Variants in PARD3B observed in about 807,000 individuals in gnomAD.
The protein encoded by PARD3B is par-3 family cell polarity regulator beta.
Under a neutral mutation model 130.2 loss-of-function variants are expected in PARD3B, and 103 were observed. The observed-to-expected ratio is 0.79, with a 90% CI of 0.67 to 0.93. The LOEUF is 0.93. PARD3B is among the 40% of genes least tolerant of loss of function. PARD3B has a pLI of 0.00. For synonymous variants in PARD3B, 583 were observed against 553.2 expected, an observed-to-expected ratio of 1.05 and a Z score of -0.76; for missense variants, 1,609 against 1,499.2, an observed-to-expected ratio of 1.07 and a Z score of -1.21.
chr2:205,446,703 C>G lies in PARD3B; in HGVS notation c.3044+6031C>G, dbSNP rs1164482169. Among the ~76,000 whole-genome samples the G allele has an allele frequency of 6.6e-6, 1 of 152,090 alleles. No individual in the cohort carries two copies. Among genetic ancestry groups the G allele is most frequent in the Non-Finnish European group, 1.5e-5 (1 of 68,014 alleles). On this transcript the variant is annotated intron_variant, in intron 20 of 22. Transcript: ENST00000406610. The surrounding 1 kb of genome is among the most constrained non-coding windows in gnomAD (Gnocchi z 4.4). ...GTGGTTAAAAAAAAATTTCTACCAC[C>G]AGGACAGAGACACGTGACTGGATTT...
At chr2:205,137,604 G>A (rs371762601) in intron 10 of PARD3B, among the ~76,000 whole-genome samples, 11 of 152,040 alleles carry the variant, frequency 7.2e-5, no homozygotes, top group African/African-American at 1.7e-4. Flanking sequence ...ATTATTTCTC[G>A]CAGTTCTGTG....
chr2:205,340,127 A>G (rs1203122397), intron 18 of PARD3B, among the ~76,000 whole-genome samples: 3 of 152,142 alleles, frequency 2.0e-5, no homozygotes, highest in Admixed American at 1.3e-4. Flanking sequence ...TCCTTGTCAC[A>G]AGGTAACAAT....
At chr2:204,900,421 T>C (rs768932462) in intron 2 of PARD3B, among the ~76,000 whole-genome samples, 5 of 152,214 alleles carry the variant, frequency 3.3e-5, no homozygotes, top group African/African-American at 4.8e-5. Flanking sequence ...GTCTTCAGTA[T>C]GTCAGTTGCA....
intron 18 of PARD3B, among the ~76,000 whole-genome samples, chr2:205,379,728 C>T (rs2045236578): frequency 6.6e-6 from 1 of 151,890 alleles, no homozygotes; most frequent in South Asian, 2.1e-4. Flanking sequence ...TACAAATTAG[C>T]AGGTATTACA....
At chr2:205,412,754 G>A (rs2046644139) in intron 19 of PARD3B, among the ~76,000 whole-genome samples, 1 of 152,098 alleles carries the variant, frequency 6.6e-6, no homozygotes, top group South Asian at 2.1e-4. Flanking sequence ...CTGCTGTCTG[G>A]AATGCTCTTC....
intron 21 of PARD3B, among the ~76,000 whole-genome samples, chr2:205,538,578 A>G (rs983326958): frequency 2.6e-5 from 4 of 152,180 alleles, no homozygotes; most frequent in African/African-American, 9.7e-5. Flanking sequence ...CTTTCATAAG[A>G]GAAAGTAAGA....
rs951035230 is a variant in PARD3B at position 205,193,134 on chromosome 2, G to A, written c.2025-71G>A. ...AGTGATGAGTGGCTGTGTTCAAAAT[G>A]AGAACTGCTTCCTCATTTTTTAAAA... On this transcript the variant is annotated intron_variant, in intron 14 of 22. Coordinates refer to ENST00000406610, the MANE Select transcript of PARD3B (RefSeq NM_001302769.2). The A allele has an allele frequency of 2.7e-6, 3 of 1,092,370 alleles. No individual in the cohort carries two copies. In the African/African-American group the frequency reaches 4.7e-5, roughly 17 times the overall value. The allele number at this position is 1,092,370 out of a possible 1,614,324, so 67.7% of individuals were successfully genotyped here.
At chr2:204,762,116 A>ATTTTTTTTT (rs968166780) in intron 2 of PARD3B, among the ~76,000 whole-genome samples, 16 of 95,388 alleles carry the variant, frequency 1.7e-4, no homozygotes, top group African/African-American at 4.1e-4. Flanking sequence ...TTCTTTTTCT[A>ATTTTTTTTT]TTTTTTTTTT....
intron 2 of PARD3B, among the ~76,000 whole-genome samples, chr2:204,735,281 C>A (rs1286045879): frequency 6.6e-6 from 1 of 152,096 alleles, no homozygotes; most frequent in East Asian, 1.9e-4. Context: ...CCATCCTTGT[C>A]ATCAAAATTC....
At chr2:205,370,559 C>T (rs758437606) in intron 18 of PARD3B, among the ~76,000 whole-genome samples, 26 of 152,140 alleles carry the variant, frequency 1.7e-4, no homozygotes, top group Non-Finnish European at 2.2e-4. Flanking sequence ...GAGTATCTCC[C>T]GGCTGCTCAT....
At chr2:205,311,234 G>C (rs1422907078) in intron 18 of PARD3B, among the ~76,000 whole-genome samples, 2 of 152,050 alleles carry the variant, frequency 1.3e-5, no homozygotes, top group Non-Finnish European at 2.9e-5. Flanking sequence ...TTAAATTTTT[G>C]AGTAACGGCC....
At chr2:205,163,332 T>TAATTAGCC (rs2034616516) in intron 11 of PARD3B, among the ~76,000 whole-genome samples, 1 of 152,206 alleles carries the variant, frequency 6.6e-6, no homozygotes, top group Non-Finnish European at 1.5e-5. Context: ...TCTAGAGAAT[T>TAATTAGCC]AATTAGCCAG....
chr2:204,685,000 A>G (rs1167313588), intron 1 of PARD3B, among the ~76,000 whole-genome samples: 1 of 152,184 alleles, frequency 6.6e-6, no homozygotes, highest in Non-Finnish European at 1.5e-5. Flanking sequence ...GTAGCTCTCC[A>G]AATAGATGCC....
chr2:205,165,400 G>A (rs555377666), intron 11 of PARD3B, among the ~76,000 whole-genome samples: 2 of 152,052 alleles, frequency 1.3e-5, no homozygotes, highest in South Asian at 2.1e-4. Flanking sequence ...CAGTATATCT[G>A]TTTATGCCCC....
intron 2 of PARD3B, among the ~76,000 whole-genome samples, chr2:204,716,240 A>G (rs1412786965): frequency 2.6e-5 from 4 of 152,048 alleles, no homozygotes; most frequent in Non-Finnish European, 5.9e-5. Flanking sequence ...TATGGAGTTA[A>G]CAGTGTAGTG....
rs2030177375 is a variant in PARD3B at position 204,548,385 on chromosome 2, T to C, written c.120+2266T>C. Among the ~76,000 whole-genome samples, 3 of 152,206 alleles carry C rather than the reference T, an allele frequency of 2.0e-5. No individual in the cohort carries two copies. In the South Asian group the frequency reaches 6.2e-4, roughly 32 times the overall value. On this transcript the variant is annotated intron_variant, in intron 1 of 22. Coordinates refer to ENST00000406610, the MANE Select transcript of PARD3B (RefSeq NM_001302769.2). ...AGGCCCTGTTTTAGGAACTTCATGCTTATGACTTATTTCTCCCAACAACCT... is the reference window on the plus strand; with the variant it reads ...AGGCCCTGTTTTAGGAACTTCATGCCTATGACTTATTTCTCCCAACAACCT...
Position 205,122,046 on chromosome 2 carries a change from C to G in PARD3B, c.1165+97C>G. 1 of 991,834 alleles carries G rather than the reference C, an allele frequency of 1.0e-6. No individual in the cohort carries two copies. Among genetic ancestry groups the G allele is most frequent in the Non-Finnish European group, 1.5e-6 (1 of 687,608 alleles). 61.4% of individuals were successfully genotyped at this position (991,834 alleles called of 1,614,324 possible). A position where few individuals can be genotyped will look rare whatever the true frequency, so the allele number is the denominator to read the frequency against. On this transcript the variant is annotated intron_variant, in intron 8 of 22. Coordinates refer to ENST00000406610, the MANE Select transcript of PARD3B (RefSeq NM_001302769.2). The surrounding 1 kb of genome is among the most constrained non-coding windows in gnomAD (Gnocchi z 4.3). The stretch of plus-strand genomic sequence containing the variant: ...AGGCTAATTTAGTTAATTCTCCCTT[C>G]ATTTAATTGTATCAAAGAATAGATT...
At chr2:205,088,335 A>G (rs1477699752) in intron 4 of PARD3B, among the ~76,000 whole-genome samples, 2 of 152,248 alleles carry the variant, frequency 1.3e-5, no homozygotes, top group Admixed American at 6.5e-5. Flanking sequence ...GACTAGATCT[A>G]GATGCATGAG....
At chr2:205,194,002 A>G (rs941101323) in intron 15 of PARD3B, among the ~76,000 whole-genome samples, 10 of 152,166 alleles carry the variant, frequency 6.6e-5, no homozygotes, top group African/African-American at 2.4e-4. Flanking sequence ...GTGTTCTGAA[A>G]GCCTTGGGAC....
Sources: allele counts gnomAD v4.1 joint callset (sites outside exome capture counted in the v4.1 genomes callset), GRCh38; gene constraint gnomAD v4.1.1; non-coding constraint Gnocchi (gnomAD v3.1); transcripts MANE v1.5; gene names NCBI Gene and HGNC (gene_info 2026-07-23, HGNC 2026-07-21).